Variants in MMS22L observed in about 807,000 individuals in gnomAD.
The protein encoded by MMS22L is MMS22 like, DNA repair protein.
In MMS22L, 74 loss-of-function variants were observed where a neutral mutation model predicts 159.1. That is an observed-to-expected ratio of 0.47 (90% CI 0.39 to 0.56). The LOEUF is 0.56. Among genes scored for constraint, MMS22L ranks in the 20% least tolerant of loss-of-function variants. MMS22L has a pLI of 0.00. For synonymous variants in MMS22L, 517 were observed against 506.9 expected, an observed-to-expected ratio of 1.02 and a Z score of -0.27; for missense variants, 1,351 against 1,422.1, an observed-to-expected ratio of 0.95 and a Z score of 0.80.
At position 97,282,333 on chromosome 6, in the gene MMS22L, A is replaced by T. The variant is rs752186353; in HGVS notation, c.145T>A (p.Cys49Ser). 1.1e-5 allele frequency: 17 copies of T among 1,614,072 alleles called. No homozygotes were observed. In the South Asian group the frequency reaches 1.9e-4, roughly 18 times the overall value. Residue 49 changes from cysteine to serine, a missense_variant, in exon 2 of 25, where the codon TGC becomes AGC. By Grantham distance (112) the Cys-to-Ser change is moderately radical. Transcript: ENST00000683635. ...GKHFSGESYL[C>S]SGALKRLILN... ...ACCTACCGCTTAAGGGCTCCGCTGCAGAGGTAGGATTCTCCAGAAAAATGT... is the reference window on the plus strand; with the variant it reads ...ACCTACCGCTTAAGGGCTCCGCTGCTGAGGTAGGATTCTCCAGAAAAATGT...
At chr6:97,259,676 G>C (rs1814232099) in intron 9 of MMS22L, 1 of 141,752 alleles carries the variant, frequency 7.1e-6, no homozygotes. Context: ...AACTCTGCGA[G>C]CCAATTCATT....
Position 97,179,915 on chromosome 6 carries a change from T to C in MMS22L, c.2385-356A>G, listed in dbSNP as rs551105099. On this transcript the variant is annotated intron_variant, in intron 16 of 24. Coordinates refer to ENST00000683635, the MANE Select transcript of MMS22L (RefSeq NM_001350599.2). ...CTAGGTGAGATAATAATGAAGGAAG[T>C]GGCAAGTAGAATAAATATCAGTGTC... 9.3e-4 allele frequency among the ~76,000 whole-genome samples: 142 copies of C among 152,280 alleles called. 1 individual carries two copies. Among genetic ancestry groups the C allele is most frequent in the Admixed American group, 3.1e-3 (47 of 15,290 alleles).
intron 14 of MMS22L, among the ~76,000 whole-genome samples, chr6:97,224,103 T>C (rs181786970): frequency 1.3e-5 from 2 of 152,274 alleles, no homozygotes; most frequent in East Asian, 3.9e-4. Flanking sequence ...TCTGATCCTT[T>C]TTGCACAGGC....
At chr6:97,160,423 G>T (rs1802318260) in intron 22 of MMS22L, among the ~76,000 whole-genome samples, 1 of 152,008 alleles carries the variant, frequency 6.6e-6, no homozygotes, top group South Asian at 2.1e-4. Flanking sequence ...TAATTCCTGT[G>T]AATGCTATCC....
At chr6:97,179,232 CA>C (rs1319509051) in intron 17 of MMS22L, among the ~76,000 whole-genome samples, 175 bp downstream of exon 17, 1 of 151,828 alleles carries the variant, frequency 6.6e-6, no homozygotes, top group Non-Finnish European at 1.5e-5. Flanking sequence ...AAAATAAAAA[CA>C]AAACAAAACA....
At chr6:97,193,682 C>A (rs915971145) in intron 14 of MMS22L, among the ~76,000 whole-genome samples, 4 of 152,162 alleles carry the variant, frequency 2.6e-5, no homozygotes, top group Non-Finnish European at 5.9e-5. Flanking sequence ...CAGCATTGGG[C>A]CCAATCATAA....
In MMS22L at chr6:97,270,041, TA is replaced by T. The variant is rs1384916050; in HGVS notation, c.607-50del. The T allele has an allele frequency of 3.5e-6, 5 of 1,429,184 alleles. No homozygotes were observed. The African/African-American group carries it at 4.2e-5, about 12-fold the overall frequency. The allele number at this position is 1,429,184 out of a possible 1,614,324, so 88.5% of individuals were successfully genotyped here. A position where few individuals can be genotyped will look rare whatever the true frequency, so the allele number is the denominator to read the frequency against. On this transcript the variant is annotated intron_variant, in intron 6 of 24. Coordinates refer to ENST00000683635, the MANE Select transcript of MMS22L (RefSeq NM_001350599.2). Reference sequence around the variant, plus strand: ...GATTGAGAATTCATTAATATTTTACTAGGTATTTCATAGCATGTCACAATAC... The same window carrying T: ...GATTGAGAATTCATTAATATTTTACTGGTATTTCATAGCATGTCACAATAC...
chr6:97,203,771 G>T (rs1807446844), intron 14 of MMS22L, among the ~76,000 whole-genome samples: 1 of 152,094 alleles, frequency 6.6e-6, no homozygotes, highest in South Asian at 2.1e-4. Flanking sequence ...TTATTACAGG[G>T]TAACCATTTT....
chr6:97,216,834 C>T (rs920374556), intron 14 of MMS22L, among the ~76,000 whole-genome samples: 2 of 152,182 alleles, frequency 1.3e-5, no homozygotes, highest in African/African-American at 2.4e-5. Flanking sequence ...TGCCTCATCC[C>T]ATCATCTTTT....
At chr6:97,222,154 T>C (rs932595107) in intron 14 of MMS22L, among the ~76,000 whole-genome samples, 2 of 152,014 alleles carry the variant, frequency 1.3e-5, no homozygotes, top group African/African-American at 4.8e-5. Context: ...TTGGGGAGAA[T>C]AAATAATACC....
intron 14 of MMS22L, among the ~76,000 whole-genome samples, chr6:97,218,662 T>C (rs1234115110): frequency 1.3e-5 from 2 of 152,132 alleles, no homozygotes; most frequent in South Asian, 2.1e-4. Context: ...TAAAGGACAT[T>C]AGAGATTTAG....
intron 22 of MMS22L, among the ~76,000 whole-genome samples, chr6:97,153,186 T>C (rs891372681): frequency 6.6e-6 from 1 of 152,036 alleles, no homozygotes; most frequent in African/African-American, 2.4e-5. Context: ...ATAATTCACA[T>C]ACTATATAGT....
intron 14 of MMS22L, among the ~76,000 whole-genome samples, chr6:97,221,350 T>C (rs1200692534): frequency 2.6e-5 from 4 of 152,114 alleles, no homozygotes; most frequent in Admixed American, 2.0e-4. Flanking sequence ...CTAATTCCTA[T>C]GCGTGAAAAA....
intron 11 of MMS22L, among the ~76,000 whole-genome samples, chr6:97,244,320 T>G (rs573924757): frequency 2.4e-4 from 36 of 152,096 alleles, no homozygotes; most frequent in Non-Finnish European, 4.7e-4. Flanking sequence ...GCCATGGAGC[T>G]CCCATGAGTT....
chr6:97,205,345 C>A (rs1807666437), intron 14 of MMS22L, among the ~76,000 whole-genome samples: 1 of 151,958 alleles, frequency 6.6e-6, no homozygotes, highest in Non-Finnish European at 1.5e-5. Flanking sequence ...CTCACATATT[C>A]TTCCTGTTGT....
chr6:97,250,684 C>A (rs1022039710), intron 10 of MMS22L, among the ~76,000 whole-genome samples: 1 of 152,024 alleles, frequency 6.6e-6, no homozygotes. Context: ...TGAGTTAAAT[C>A]CATTATAGCT....
At chr6:97,171,206 C>T (rs1803510151) in intron 19 of MMS22L, among the ~76,000 whole-genome samples, 1 of 152,020 alleles carries the variant, frequency 6.6e-6, no homozygotes, top group Non-Finnish European at 1.5e-5. Context: ...AAATACATGA[C>T]AATGGGAATA....
At chr6:97,192,967 C>T (rs1173019265) in intron 14 of MMS22L, among the ~76,000 whole-genome samples, 18 of 152,064 alleles carry the variant, frequency 1.2e-4, no homozygotes, top group Admixed American at 1.2e-3. Context: ...GCTTCAATAC[C>T]CCAATTCATA....
intron 14 of MMS22L, among the ~76,000 whole-genome samples, chr6:97,188,743 C>T (rs984563309): frequency 3.3e-5 from 5 of 151,896 alleles, no homozygotes; most frequent in Non-Finnish European, 5.9e-5. Context: ...GTGGATCACT[C>T]GAGGCCAGCA....
Sources: gnomAD v4.1 joint callset for allele counts (sites outside exome capture counted in the v4.1 genomes callset) on GRCh38, gnomAD v4.1.1 for gene constraint, MANE v1.5 for transcripts, NCBI Gene and HGNC (gene_info 2026-07-23, HGNC 2026-07-21) for gene names.